Variants in RFX4 observed in about 807,000 individuals in gnomAD.
RFX4 encodes transcription factor RFX4.
A neutral mutation model predicts 95.0 loss-of-function variants in RFX4; 10 were observed. The observed-to-expected ratio is 0.11, with a 90% CI of 0.06 to 0.18. The LOEUF (loss-of-function observed/expected upper bound fraction) is 0.18, where lower values mean the gene tolerates loss of function less well. Among genes scored for constraint, RFX4 ranks in the 10% least tolerant of loss-of-function variants. RFX4 has a pLI of 1.00. For synonymous variants in RFX4, 321 were observed against 340.7 expected (o/e 0.94, Z 0.64); for missense variants, 640 against 922.0 (o/e 0.69, Z 3.96).
chr12:106,746,451 G>C (rs2042897158), intron 15 of RFX4, among the ~76,000 whole-genome samples: 1 of 151,422 alleles, frequency 6.6e-6, no homozygotes, highest in Non-Finnish European at 1.5e-5. Context: ...AGGATCCCTT[G>C]AGCCCGGGAG....
chr12:106,659,677 C>T (rs1374702070), intron 4 of RFX4, among the ~76,000 whole-genome samples: 2 of 152,156 alleles, frequency 1.3e-5, no homozygotes, highest in East Asian at 3.9e-4. Flanking sequence ...GAAGTAGATA[C>T]TGTTATTGTT....
At chr12:106,648,815 A>G (rs1455924772) in intron 3 of RFX4, among the ~76,000 whole-genome samples, 1 of 152,104 alleles carries the variant, frequency 6.6e-6, no homozygotes, top group Non-Finnish European at 1.5e-5. Context: ...CATATAAGAA[A>G]TCACAGGTTT....
intron 11 of RFX4, 131 bp downstream of exon 11, chr12:106,715,675 T>G: frequency 2.8e-6 from 3 of 1,077,070 alleles, no homozygotes; most frequent in Non-Finnish European, 4.0e-6. Context: ...TGTTCCTTAT[T>G]GTTCCTTTTA....
intron 13 of RFX4, among the ~76,000 whole-genome samples, chr12:106,729,328 T>A (rs2042565399): frequency 6.6e-6 from 1 of 152,230 alleles, no homozygotes; most frequent in African/African-American, 2.4e-5. Flanking sequence ...TGTTTGACTC[T>A]ATGAACAAAA....
chr12:106,740,043 G>A (rs1413074881), intron 15 of RFX4, among the ~76,000 whole-genome samples: 1 of 152,136 alleles, frequency 6.6e-6, no homozygotes, highest in African/African-American at 2.4e-5. Flanking sequence ...GTCATTTTAA[G>A]TATTCCCTCC....
At chr12:106,696,175 G>T in intron 7 of RFX4, 108 bp from the exon 8 acceptor site, 1 of 1,284,022 alleles carries the variant, frequency 7.8e-7, no homozygotes, top group South Asian at 1.4e-5. Context: ...TGCCGCAGGG[G>T]AAGTAGATGA....
At chr12:106,649,116 G>C (rs568732976) in intron 3 of RFX4, among the ~76,000 whole-genome samples, 1 of 152,012 alleles carries the variant, frequency 6.6e-6, no homozygotes, top group South Asian at 2.1e-4. Context: ...AAAAAACCCA[G>C]GTATAATGGA....
At chr12:106,693,137 T>C (rs1273999995) in intron 7 of RFX4, 2 of 440,230 alleles carry the variant, frequency 4.5e-6, no homozygotes, top group Non-Finnish European at 9.1e-6. Flanking sequence ...ATTTCATGCC[T>C]AACTTCCAAG....
chr12:106,598,322 A>G (rs1199126768), intron 1 of RFX4, among the ~76,000 whole-genome samples: 1 of 152,236 alleles, frequency 6.6e-6, no homozygotes, highest in Non-Finnish European at 1.5e-5. Flanking sequence ...CATCTTTCAA[A>G]CAATGATGAA....
rs571272579 is a variant in RFX4, at chr12:106,621,512, C to T, written c.130+12629C>T. Among the ~76,000 whole-genome samples, 9 of 152,326 alleles carry T rather than the reference C, an allele frequency of 5.9e-5. No individual in the cohort carries two copies. In the East Asian group the frequency reaches 1.7e-3, roughly 29 times the overall value. On this transcript the variant is annotated intron_variant, in intron 2 of 17. Transcript: ENST00000392842. Reference sequence around the variant, plus strand: ...TTACCGACTTCCCTTTACTTTGACCCAGCTTGGACTCCAACCCTAACCAAT... The same window carrying T: ...TTACCGACTTCCCTTTACTTTGACCTAGCTTGGACTCCAACCCTAACCAAT...
chr12:106,662,071 TA>T, intron 4 of RFX4: 1 of 223,582 alleles, frequency 4.5e-6, no homozygotes, highest in Non-Finnish European at 9.7e-6. Context: ...CTCCTTTGGG[TA>T]AATACCAAGA....
intron 1 of RFX4, among the ~76,000 whole-genome samples, chr12:106,604,224 G>A (rs1383476859): frequency 1.3e-5 from 2 of 149,794 alleles, no homozygotes; most frequent in African/African-American, 4.9e-5. Context: ...GGGTTCAAGT[G>A]ATTCTCCTGC....
intron 3 of RFX4, among the ~76,000 whole-genome samples, chr12:106,641,816 T>C (rs11615449): frequency 0.087 from 13,247 of 152,218 alleles, 689 homozygotes; most frequent in South Asian, 0.15. Flanking sequence ...ACTAATTCAA[T>C]AAATGTTTAC....
At chr12:106,624,061 G>C (rs1252666166) in intron 2 of RFX4, among the ~76,000 whole-genome samples, 1 of 152,126 alleles carries the variant, frequency 6.6e-6, no homozygotes, top group Non-Finnish European at 1.5e-5. Flanking sequence ...ACAATAAAAT[G>C]GAACAAGGGG....
chr12:106,585,320 T>C (rs1306154362), intron 1 of RFX4, among the ~76,000 whole-genome samples: 1 of 152,172 alleles, frequency 6.6e-6, no homozygotes, highest in Non-Finnish European at 1.5e-5. Flanking sequence ...CCGGGTCCTC[T>C]TCACCTCAAC....
chr12:106,642,080 G>T (rs550275042), intron 3 of RFX4, among the ~76,000 whole-genome samples: 1 of 151,472 alleles, frequency 6.6e-6, no homozygotes, highest in Non-Finnish European at 1.5e-5. Context: ...GCGTGAGCTC[G>T]GTTCACTGTA....
intron 4 of RFX4, among the ~76,000 whole-genome samples, chr12:106,681,380 G>T (rs947972013): frequency 1.3e-5 from 2 of 152,170 alleles, no homozygotes; most frequent in Non-Finnish European, 2.9e-5. Flanking sequence ...TGACCCTTGT[G>T]CTACTCCACA....
rs535786959 is a variant in RFX4, at chr12:106,698,464, AG to A, written c.833+2019del. Among the ~76,000 whole-genome samples the A allele has an allele frequency of 1.9e-3, 287 of 152,288 alleles. 1 individual carries two copies. Among genetic ancestry groups the A allele is most frequent in the African/African-American group, 6.4e-3 (265 of 41,552 alleles). On this transcript the variant is annotated intron_variant, in intron 8 of 17. Transcript: ENST00000392842. ...TGGCTAATTTAAAAAAAAAATTTGT[AG>A]AGATAGGGTCTCACTATACAGCCTA...
intron 1 of RFX4, among the ~76,000 whole-genome samples, chr12:106,600,244 A>G (rs2039680914): frequency 6.6e-6 from 1 of 152,206 alleles, no homozygotes; most frequent in Non-Finnish European, 1.5e-5. Flanking sequence ...GCCTGCTTCA[A>G]GAACTTCGCA....
Sources: allele counts gnomAD v4.1 joint callset (sites outside exome capture counted in the v4.1 genomes callset), GRCh38; gene constraint gnomAD v4.1.1; transcripts MANE v1.5; gene names NCBI Gene and HGNC (gene_info 2026-07-23, HGNC 2026-07-21).